The following FAM219B variants were observed in gnomAD, a reference collection of about 807,000 sequenced individuals.
FAM219B encodes family with sequence similarity 219 member B.
FAM219B carries 18 observed loss-of-function variants against 19.9 expected under a neutral mutation model. The ratio of observed to expected loss-of-function variants is 0.91; its 90% CI spans 0.63 to 1.34. FAM219B has a LOEUF of 1.34. FAM219B is among the 40% of genes most tolerant of loss of function. The pLI is 0.00. For missense variants in FAM219B, 283 were observed against 270.5 expected, an observed-to-expected ratio of 1.05 and a Z score of -0.32; for synonymous variants, 123 against 117.5, an observed-to-expected ratio of 1.05 and a Z score of -0.30.
rs201390671 is a variant in FAM219B, at chr15:74,905,128, G to T, written c.380+26C>A. On this transcript the variant is annotated intron_variant, in intron 3 of 4. Transcript: ENST00000357635. ...AGTCCCAGCCAAGTTGCTTCCCAAG[G>T]GGGTATTTCCAAGGGGAGCACTCAC... 4.5e-5 allele frequency: 73 copies of T among 1,613,576 alleles called. 1 individual carries two copies. The highest frequency in any genetic ancestry group is 3.3e-4 in the Middle Eastern group (2 of 6,084).
chr15:74,904,167 G>A (rs754323503), intron 4 of FAM219B, among the ~76,000 whole-genome samples: 9 of 152,196 alleles, frequency 5.9e-5, no homozygotes, highest in Non-Finnish European at 1.3e-4. Context: ...AGGGTGGGTA[G>A]CAAGGCTCCT....
chr15:74,905,972 C>G (rs1004379395), intron 2 of FAM219B: 2 of 349,452 alleles, frequency 5.7e-6, no homozygotes, highest in African/African-American at 4.2e-5. Context: ...CATTCCCACA[C>G]TGCTCTTCGT....
rs1230532223 is a variant in FAM219B at position 74,906,846 on chromosome 15, AAG to A, written c.-48_-47del. 2 of 1,236,038 alleles carry A rather than the reference AAG, an allele frequency of 1.6e-6. No individual in the cohort carries two copies. Among genetic ancestry groups the A allele is most frequent in the African/African-American group, 1.6e-5 (1 of 64,204 alleles). The allele number at this position is 1,236,038 out of a possible 1,614,324, so 76.6% of individuals were successfully genotyped here. A position where few individuals can be genotyped will look rare whatever the true frequency, so the allele number is the denominator to read the frequency against. ...GATGGTGCAACCCCGCCCGTGGCGA[AAG>A]AGTGACCGGCCGAGGGAGAGGCGGG... On this transcript the variant is annotated 5_prime_UTR_variant, in exon 1 of 5. Coordinates refer to ENST00000357635, the MANE Select transcript of FAM219B (RefSeq NM_020447.5).
intron 1 of FAM219B, 55 bp downstream of exon 1, chr15:74,906,532 G>A: frequency 6.8e-7 from 1 of 1,461,222 alleles, no homozygotes; most frequent in Non-Finnish European, 9.0e-7. Flanking sequence ...CCCGCCCTGG[G>A]GACGCGGCCG....
At chr15:74,899,495 C>G (rs1028989668), downstream of FAM219B, 1 of 152,232 alleles carries the variant, frequency 6.6e-6, no homozygotes, top group Non-Finnish European at 1.5e-5. Context: ...GCCTATTTCA[C>G]TCATGCCGTC....
At chr15:74,906,208 C>G in intron 2 of FAM219B, 70 bp downstream of exon 2, 1 of 1,540,832 alleles carries the variant, frequency 6.5e-7, no homozygotes, top group Non-Finnish European at 8.8e-7. Flanking sequence ...CCAGAGCACC[C>G]TGCCTCCGTC....
rs758085505 is a variant in FAM219B, at chr15:74,906,651, G to T, written c.150C>A (p.Pro50=). The change falls in exon 1 of 5, where the codon CCC becomes CCA. Residue 50 remains proline (P), a synonymous_variant. Transcript: ENST00000357635. ...NRALRLGERT[P]AAVEKRGPYM... ...ATGGCCCCCGCTTTTCCACGGCCGC[G>T]GGGGTGCGCTCCCCCAGACGGAGGG... 1 of 1,507,952 alleles carries T rather than the reference G, an allele frequency of 6.6e-7. No individual in the cohort carries two copies. Among genetic ancestry groups the T allele is most frequent in the South Asian group, 1.4e-5 (1 of 73,656 alleles). The allele number at this position is 1,507,952 out of a possible 1,614,324, so 93.4% of individuals were successfully genotyped here.
chr15:74,906,777 C>T lies in FAM219B; in HGVS notation c.24G>A (p.Gly8=). Residue 8 remains glycine, a synonymous_variant, in exon 1 of 5, where the codon GGG becomes GGA. Transcript: ENST00000357635. MATAEPS[G]RALRLSTPGP... ...CCGGGGTAGACAACCGCAACGCGCGCCCGCTGGGCTCCGCGGTCGCCATGG... is the reference window on the plus strand; with the variant it reads ...CCGGGGTAGACAACCGCAACGCGCGTCCGCTGGGCTCCGCGGTCGCCATGG... 1 of 1,291,010 alleles carries T rather than the reference C, an allele frequency of 7.7e-7. No homozygotes were observed. Among genetic ancestry groups the T allele is most frequent in the South Asian group, 2.7e-5 (1 of 36,860 alleles). The allele number at this position is 1,291,010 out of a possible 1,614,324, so 80.0% of individuals were successfully genotyped here. A position where few individuals can be genotyped will look rare whatever the true frequency, so the allele number is the denominator to read the frequency against.
chr15:74,904,805 A>G, intron 3 of FAM219B, 93 bp from the exon 4 acceptor site: 1 of 1,549,634 alleles, frequency 6.5e-7, no homozygotes, highest in South Asian at 1.1e-5. Flanking sequence ...CATCTGGAAG[A>G]CTTTTGAAGC....
At chr15:74,898,459 C>A (rs146210461), downstream of FAM219B, 1,116 of 160,562 alleles carry the variant, frequency 7.0e-3, 46 homozygotes, top group Admixed American at 0.056. Context: ...CCCAGAGGCA[C>A]AGCTTGCAAG....
chr15:74,905,510 G>A (rs898261752), intron 2 of FAM219B: 7 of 328,384 alleles, frequency 2.1e-5, no homozygotes, highest in South Asian at 8.4e-5. Flanking sequence ...TGCAATCTCC[G>A]CCTACCATGC....
At position 74,900,052 on chromosome 15, in the gene FAM219B, C is replaced by T. The variant is rs1964807939; in HGVS notation, c.*2567G>A. On this transcript the variant is annotated 3_prime_UTR_variant, in exon 5 of 5. Transcript: ENST00000357635. ...GCTGTAGAAGTGCAAGCCAAGAGTT[C>T]TATAGAGTAGTACATAAACACCATA... 6.6e-6 allele frequency: 1 copy of T among 152,206 alleles called. No homozygotes were observed. The highest frequency in any genetic ancestry group is 2.1e-4 in the South Asian group (1 of 4,834). 9.4% of individuals were successfully genotyped at this position (152,206 alleles called of 1,614,324 possible). A position where few individuals can be genotyped will look rare whatever the true frequency, so the allele number is the denominator to read the frequency against.
chr15:74,902,675 T>C lies in FAM219B; in HGVS notation c.541A>G (p.Thr181Ala), dbSNP rs568406248. ...AGACAGCACCAGCAGCAGGAGCATG[T>C]TGAAGAGGCCATGGGCTTAGGGGGG... Reference protein sequence around the residue: ...LIPPKPMASSTCSCCWCCLGD... With the variant: ...LIPPKPMASSACSCCWCCLGD... The change falls in exon 5 of 5, where the codon ACA becomes GCA. Residue 181 changes from threonine (T) to alanine (A), a missense_variant. Physicochemically the swap from Thr to Ala is moderately conservative, Grantham distance 58 (BLOSUM62 0). Coordinates refer to ENST00000357635, the MANE Select transcript of FAM219B (RefSeq NM_020447.5). 5.3e-5 allele frequency: 86 copies of C among 1,613,270 alleles called. 1 individual carries two copies. In the South Asian group the frequency reaches 5.8e-4, roughly 11 times the overall value.
At chr15:74,904,965 T>G in intron 3 of FAM219B, 189 bp downstream of exon 3, 6 of 1,537,034 alleles carry the variant, frequency 3.9e-6, no homozygotes, top group Non-Finnish European at 5.2e-6. Flanking sequence ...CTCCGAATTC[T>G]AGAGCAGCAC....
Position 74,906,512 on chromosome 15 carries a change from A to G in FAM219B, c.214+75T>C, listed in dbSNP as rs947210547. ...TCCCTCCGGGGCCGAGGCCCAGCGG[A>G]GCTCCGGAACCCGCCCTGGGGACGC... On this transcript the variant is annotated intron_variant, in intron 1 of 4. Coordinates refer to ENST00000357635, the MANE Select transcript of FAM219B (RefSeq NM_020447.5). 4.8e-6 allele frequency: 7 copies of G among 1,465,716 alleles called. No individual in the cohort carries two copies. In the African/African-American group the frequency reaches 1.0e-4, roughly 21 times the overall value. The allele number at this position is 1,465,716 out of a possible 1,614,324, so 90.8% of individuals were successfully genotyped here. A position where few individuals can be genotyped will look rare whatever the true frequency, so the allele number is the denominator to read the frequency against.
At position 74,901,529 on chromosome 15, in the gene FAM219B, C is replaced by G. The variant is rs1402596662; in HGVS notation, c.*1090G>C. The G allele has an allele frequency of 1.3e-5, 2 of 152,340 alleles. No individual in the cohort carries two copies. Among genetic ancestry groups the G allele is most frequent in the East Asian group, 3.9e-4 (2 of 5,180 alleles). The allele number at this position is 152,340 out of a possible 1,614,324, so 9.4% of individuals were successfully genotyped here. ...AGGCCCATGCTGTGACCAGAAGAAT[C>G]TGGCAATAGAATGGTCCATGCTGGA... is the stretch of plus-strand genomic sequence containing the variant. On this transcript the variant is annotated 3_prime_UTR_variant, in exon 5 of 5. Coordinates refer to ENST00000357635, the MANE Select transcript of FAM219B (RefSeq NM_020447.5).
chr15:74,906,440 T>C, intron 1 of FAM219B, 75 bp from the exon 2 acceptor site: 2 of 1,551,630 alleles, frequency 1.3e-6, no homozygotes, highest in Non-Finnish European at 1.7e-6. Flanking sequence ...GAGGCCGCTC[T>C]TTCCGAACGG....
At chr15:74,905,446 C>CA in intron 2 of FAM219B, 2 of 455,272 alleles carry the variant, frequency 4.4e-6, no homozygotes, top group South Asian at 4.1e-5. Context: ...TTTTTGGAGA[C>CA]AGAGTCTGGC....
In FAM219B at chr15:74,900,020, G is replaced by GTAT. The variant is rs2064885312; in HGVS notation, c.*2598_*2599insATA. ...TGTGATTGCATTTATTCTTATAAAT[G>GTAT]TACAGAGCTGTAGAAGTGCAAGCCA... On this transcript the variant is annotated 3_prime_UTR_variant, in exon 5 of 5. Transcript: ENST00000357635. 6.6e-6 allele frequency: 1 copy of GTAT among 152,226 alleles called. No homozygotes were observed. The highest frequency in any genetic ancestry group is 1.5e-5 in the Non-Finnish European group (1 of 68,048). The allele number at this position is 152,226 out of a possible 1,614,324, so 9.4% of individuals were successfully genotyped here.
Sources: allele counts gnomAD v4.1 joint callset (sites outside exome capture counted in the v4.1 genomes callset), GRCh38; gene constraint gnomAD v4.1.1; transcripts MANE v1.5; gene names NCBI Gene and HGNC (gene_info 2026-07-23, HGNC 2026-07-21).